SHISAL1: variants seen among roughly 807,000 people sequenced by gnomAD.
SHISAL1 encodes the protein shisa like 1.
SHISAL1 carries 9 observed loss-of-function variants against 22.6 expected under a neutral mutation model. That is an observed-to-expected ratio of 0.40 (90% CI 0.24 to 0.70). The LOEUF is 0.70. Among genes scored for constraint, SHISAL1 ranks in the 30% least tolerant of loss-of-function variants. The probability of loss-of-function intolerance (pLI) is 0.39; values close to 1 mark genes in which losing one functional copy is unlikely to be tolerated. For synonymous variants in SHISAL1, 119 were observed against 115.4 expected (o/e 1.03, Z -0.20); for missense variants, 246 against 270.6 (o/e 0.91, Z 0.64).
chr22:44,316,573 TG>T (rs1271400160), upstream of SHISAL1, among the ~76,000 whole-genome samples: 4 of 152,088 alleles, frequency 2.6e-5, no homozygotes, highest in African/African-American at 4.8e-5. Flanking sequence ...GAATGAGTGA[TG>T]GTGTGTTCCA....
chr22:44,273,389 T>C (rs1601786445), intron 4 of SHISAL1, among the ~76,000 whole-genome samples: 2 of 152,112 alleles, frequency 1.3e-5, no homozygotes, highest in Admixed American at 1.3e-4. Flanking sequence ...CAGATGCAAA[T>C]ACCGTCACCG....
At chr22:44,325,200 G>C in the SHISAL1 span, among the ~76,000 whole-genome samples, 1 of 150,706 alleles carries the variant, frequency 6.6e-6, no homozygotes, top group Non-Finnish European at 1.5e-5. Flanking sequence ...CTGAGATTGA[G>C]CAACTGCACT....
At chr22:44,251,414 A>G (rs1199346518) in intron 4 of SHISAL1, among the ~76,000 whole-genome samples, 1 of 152,218 alleles carries the variant, frequency 6.6e-6, no homozygotes, top group Admixed American at 6.5e-5. Context: ...CAAATCAAGA[A>G]TGATTCAGAA....
chr22:44,297,193 T>C (rs1045187235), intron 2 of SHISAL1, among the ~76,000 whole-genome samples: 1 of 152,200 alleles, frequency 6.6e-6, no homozygotes, highest in African/African-American at 2.4e-5. Flanking sequence ...GCACCTACTG[T>C]ATGCTTCACA....
chr22:44,264,088 T>C (rs1449834507), intron 4 of SHISAL1, among the ~76,000 whole-genome samples: 1 of 152,158 alleles, frequency 6.6e-6, no homozygotes, highest in East Asian at 1.9e-4. Flanking sequence ...GTCCACACAA[T>C]GCAAAGGGCA....
intron 4 of SHISAL1, among the ~76,000 whole-genome samples, chr22:44,264,352 G>C (rs1037319889): frequency 2.6e-5 from 4 of 152,184 alleles, no homozygotes; most frequent in Non-Finnish European, 1.5e-5. Flanking sequence ...TCTCAATGGT[G>C]GTTCCTTTTG....
Position 44,247,677 on chromosome 22 carries a change from G to A in SHISAL1, c.*2008C>T, listed in dbSNP as rs1601770581. 1 of 152,304 alleles carries A rather than the reference G, an allele frequency of 6.6e-6. No homozygotes were observed. Among genetic ancestry groups the A allele is most frequent in the African/African-American group, 2.4e-5 (1 of 41,478 alleles). The allele number at this position is 152,304 out of a possible 1,614,324, so 9.4% of individuals were successfully genotyped here. On this transcript the variant is annotated 3_prime_UTR_variant, in exon 5 of 5. Transcript: ENST00000381176. ...AGTCTGTCTTCTTGTCCATAAAATG[G>A]GGAGAGCCCCTTCTTCATGGGGCTG...
chr22:44,291,882 G>T (rs2055354935), intron 3 of SHISAL1, among the ~76,000 whole-genome samples: 2 of 152,064 alleles, frequency 1.3e-5, no homozygotes, highest in African/African-American at 4.8e-5. Context: ...GCCATTGCTG[G>T]TGTCTGGCAG....
the SHISAL1 span, among the ~76,000 whole-genome samples, chr22:44,330,866 T>C: frequency 6.6e-6 from 1 of 151,666 alleles, no homozygotes; most frequent in African/African-American, 2.4e-5. Flanking sequence ...GCGACAGCGG[T>C]TCCGCAGGGG....
chr22:44,297,172 G>T (rs763630952), intron 2 of SHISAL1, among the ~76,000 whole-genome samples: 23 of 152,146 alleles, frequency 1.5e-4, no homozygotes, highest in Non-Finnish European at 2.4e-4. Flanking sequence ...TAGGAAATCA[G>T]CCTTAACTGA....
intron 4 of SHISAL1, among the ~76,000 whole-genome samples, chr22:44,258,508 C>T (rs1003119555): frequency 3.9e-5 from 6 of 152,144 alleles, no homozygotes; most frequent in African/African-American, 1.4e-4. Context: ...TGTATCGTTC[C>T]CCTCTATGTA....
At chr22:44,250,688 T>A (rs548879965) in intron 4 of SHISAL1, among the ~76,000 whole-genome samples, 1 of 152,318 alleles carries the variant, frequency 6.6e-6, no homozygotes, top group South Asian at 2.1e-4. Flanking sequence ...AAATGAACTA[T>A]CTTGCATGCA....
the SHISAL1 span, among the ~76,000 whole-genome samples, chr22:44,331,692 A>C: frequency 1.4e-5 from 2 of 146,086 alleles, no homozygotes; most frequent in Non-Finnish European, 3.0e-5. The surrounding 1 kb of genome is among the most constrained non-coding windows in gnomAD (Gnocchi z 5.2). Flanking sequence ...GCCCGCTCCT[A>C]GGCGCGCCGG....
At chr22:44,263,061 G>A (rs187734645) in intron 4 of SHISAL1, among the ~76,000 whole-genome samples, 5 of 112,588 alleles carry the variant, frequency 4.4e-5, no homozygotes, top group East Asian at 2.7e-4. Flanking sequence ...GAGCCTTCAC[G>A]TATTTTTTTC....
the SHISAL1 span, among the ~76,000 whole-genome samples, chr22:44,330,672 T>C: frequency 0.036 from 5,493 of 152,114 alleles, 363 homozygotes; most frequent in African/African-American, 0.12. Flanking sequence ...TGTTTTTTTT[T>C]CCTCTGGCTG....
chr22:44,257,320 C>G (rs1398906197), intron 4 of SHISAL1, among the ~76,000 whole-genome samples: 1 of 152,164 alleles, frequency 6.6e-6, no homozygotes, highest in South Asian at 2.1e-4. Flanking sequence ...CAGCAGGATG[C>G]CAGGTCAAAA....
chr22:44,299,497 G>A (rs2055410971), intron 2 of SHISAL1, among the ~76,000 whole-genome samples: 1 of 152,218 alleles, frequency 6.6e-6, no homozygotes, highest in African/African-American at 2.4e-5. Flanking sequence ...GAAGCATCTG[G>A]GGTGGGGAGA....
chr22:44,265,051 C>G (rs1187565416), intron 4 of SHISAL1, among the ~76,000 whole-genome samples: 4 of 152,138 alleles, frequency 2.6e-5, no homozygotes, highest in Non-Finnish European at 2.9e-5. Context: ...CCCTTCTGCT[C>G]TCAGTCCCCC....
At chr22:44,301,715 C>G (rs2055430686) in intron 1 of SHISAL1, among the ~76,000 whole-genome samples, 1 of 152,170 alleles carries the variant, frequency 6.6e-6, no homozygotes, top group Non-Finnish European at 1.5e-5. Flanking sequence ...ATGCACATTA[C>G]TCTCCCAAAA....
Sources: gnomAD v4.1 joint callset for allele counts (sites outside exome capture counted in the v4.1 genomes callset) on GRCh38, gnomAD v4.1.1 for gene constraint, Gnocchi (gnomAD v3.1) non-coding constraint, MANE v1.5 for transcripts, NCBI Gene and HGNC (gene_info 2026-07-23, HGNC 2026-07-21) for gene names.